Variants in ASIC2 observed in about 807,000 individuals in gnomAD.
The protein encoded by ASIC2 is acid sensing ion channel subunit 2.
In ASIC2, 25 loss-of-function variants were observed where a neutral mutation model predicts 57.3. That is an observed-to-expected ratio of 0.44 (90% CI 0.32 to 0.61). ASIC2 has a LOEUF of 0.61. Among genes scored for constraint, ASIC2 ranks in the 20% least tolerant of loss-of-function variants. ASIC2 has a pLI of 0.06. For synonymous variants in ASIC2, 319 were observed against 307.5 expected (o/e 1.04, Z -0.39); for missense variants, 641 against 738.1 (o/e 0.87, Z 1.52).
At chr17:33,766,942 C>T (rs1253638889) in intron 1 of ASIC2, among the ~76,000 whole-genome samples, 2 of 152,174 alleles carry the variant, frequency 1.3e-5, no homozygotes, top group Admixed American at 1.3e-4. Flanking sequence ...CAAAGACAGA[C>T]AAAAATATGT....
chr17:33,881,515 C>T (rs1294474313), intron 1 of ASIC2, among the ~76,000 whole-genome samples: 2 of 152,156 alleles, frequency 1.3e-5, no homozygotes, highest in Non-Finnish European at 2.9e-5. Context: ...CTCACAATTG[C>T]TTCAAAGAGA....
chr17:33,535,954 G>A (rs1915214387), intron 1 of ASIC2, among the ~76,000 whole-genome samples: 1 of 152,148 alleles, frequency 6.6e-6, no homozygotes. Flanking sequence ...TGATATAGCA[G>A]CCAGCCTTAT....
chr17:33,336,049 C>T (rs1907502230), intron 1 of ASIC2, among the ~76,000 whole-genome samples: 1 of 152,124 alleles, frequency 6.6e-6, no homozygotes, highest in South Asian at 2.1e-4. Context: ...GGGTGAGGGG[C>T]TGGGGCAGAA....
intron 1 of ASIC2, among the ~76,000 whole-genome samples, chr17:33,878,774 T>C (rs1200767591): frequency 2.6e-5 from 4 of 152,070 alleles, no homozygotes; most frequent in African/African-American, 9.7e-5. Flanking sequence ...AAGATACTCC[T>C]CGAGAAGAGC....
chr17:33,385,193 T>C (rs1180020502), intron 1 of ASIC2, among the ~76,000 whole-genome samples: 1 of 152,244 alleles, frequency 6.6e-6, no homozygotes, highest in Non-Finnish European at 1.5e-5. Flanking sequence ...TAGCCACTAA[T>C]ACTCTGCTGT....
At chr17:33,457,953 A>C (rs1476161974) in intron 1 of ASIC2, among the ~76,000 whole-genome samples, 4 of 152,172 alleles carry the variant, frequency 2.6e-5, no homozygotes, top group Non-Finnish European at 5.9e-5. Flanking sequence ...CTACCCTTCC[A>C]TTTCCAGTTA....
intron 1 of ASIC2, among the ~76,000 whole-genome samples, chr17:33,427,714 T>A (rs1399690096): frequency 2.0e-5 from 3 of 152,194 alleles, no homozygotes; most frequent in Non-Finnish European, 4.4e-5. Context: ...TTCTCAACCC[T>A]GGCTGTACAC....
chr17:33,973,897 C>T (rs986187568), intron 1 of ASIC2, among the ~76,000 whole-genome samples: 1 of 152,168 alleles, frequency 6.6e-6, no homozygotes, highest in Admixed American at 6.5e-5. Context: ...GCCAGTCCCA[C>T]TCCCCTTACC....
intron 1 of ASIC2, among the ~76,000 whole-genome samples, chr17:34,033,577 T>C (rs1346707114): frequency 2.6e-5 from 4 of 151,246 alleles, no homozygotes; most frequent in African/African-American, 9.7e-5. Context: ...AATCCGGGAG[T>C]TGCTTTTTGA....
intron 1 of ASIC2, among the ~76,000 whole-genome samples, chr17:33,621,393 C>A (rs564765502): frequency 6.6e-6 from 1 of 152,276 alleles, no homozygotes; most frequent in African/African-American, 2.4e-5. Context: ...GCAGATAGAT[C>A]CCTCTTCTTC....
chr17:33,353,855 T>A (rs1597695826), intron 1 of ASIC2, among the ~76,000 whole-genome samples: 1 of 152,172 alleles, frequency 6.6e-6, no homozygotes, highest in African/African-American at 2.4e-5. Flanking sequence ...AGGGTCTCCA[T>A]CAAGGCTATA....
chr17:33,879,030 T>A (rs1914628420), intron 1 of ASIC2, among the ~76,000 whole-genome samples: 1 of 152,048 alleles, frequency 6.6e-6, no homozygotes, highest in Non-Finnish European at 1.5e-5. Flanking sequence ...GAAGGAGAAA[T>A]AAAATACTTT....
chr17:34,016,503 A>T (rs1906986907), intron 1 of ASIC2, among the ~76,000 whole-genome samples: 1 of 152,030 alleles, frequency 6.6e-6, no homozygotes, highest in Non-Finnish European at 1.5e-5. Context: ...ATTATGAAAT[A>T]GGTCCCCAGA....
In ASIC2 at chr17:33,668,289, T is replaced by C. The variant is rs1014781368; in HGVS notation, c.555+487689A>G. ...CAAATGTTCTTTTTTTTTTTTTTTT[T>C]TTTTTTTTTTGCAGCCAGTATAAAG... On this transcript the variant is annotated intron_variant, in intron 1 of 9. Coordinates refer to the ASIC2 transcript ENST00000359872. 1.1e-3 allele frequency among the ~76,000 whole-genome samples: 166 copies of C among 146,368 alleles called. 2 individuals are homozygous for C. The highest frequency in any genetic ancestry group is 4.0e-3 in the African/African-American group (155 of 38,434).
intron 1 of ASIC2, among the ~76,000 whole-genome samples, chr17:34,024,192 C>G (rs1024299174): frequency 1.3e-5 from 2 of 152,322 alleles, no homozygotes; most frequent in East Asian, 1.9e-4. Flanking sequence ...TTGGGCTGCT[C>G]AGCACCCACT....
At chr17:33,517,012 G>T (rs530015874) in intron 1 of ASIC2, among the ~76,000 whole-genome samples, 8 of 152,260 alleles carry the variant, frequency 5.3e-5, no homozygotes, top group Non-Finnish European at 1.0e-4. Context: ...CAGGGTCCCT[G>T]GTAGTTAACG....
At chr17:33,533,512 A>G (rs1915125698) in intron 1 of ASIC2, 2 of 152,200 alleles carry the variant, frequency 1.3e-5, no homozygotes, top group Non-Finnish European at 2.9e-5. Flanking sequence ...CATCTTCTCT[A>G]TCTATTAAAA....
At chr17:33,662,786 T>C (rs1302810826) in intron 1 of ASIC2, among the ~76,000 whole-genome samples, 1 of 151,438 alleles carries the variant, frequency 6.6e-6, no homozygotes, top group Non-Finnish European at 1.5e-5. Context: ...TCTTTTTCTT[T>C]TCTTCCCAGA....
intron 1 of ASIC2, among the ~76,000 whole-genome samples, chr17:33,367,744 A>G (rs1908872899): frequency 6.6e-6 from 1 of 152,210 alleles, no homozygotes; most frequent in African/African-American, 2.4e-5. Flanking sequence ...GACTGCCACC[A>G]TTGTTAACAA....
Sources: allele counts gnomAD v4.1 joint callset (sites outside exome capture counted in the v4.1 genomes callset), GRCh38; gene constraint gnomAD v4.1.1; transcripts MANE v1.5; gene names NCBI Gene and HGNC (gene_info 2026-07-23, HGNC 2026-07-21).